The following MYCBP2 variants were observed in gnomAD, a reference collection of about 807,000 sequenced individuals.
The protein encoded by MYCBP2 is MYC binding protein 2, also known as E3 ubiquitin-protein ligase MYCBP2.
In MYCBP2, 120 loss-of-function variants were observed where a neutral mutation model predicts 525.3. The observed-to-expected ratio is 0.23, with a 90% CI of 0.20 to 0.27. The LOEUF (loss-of-function observed/expected upper bound fraction) is 0.27. Among genes scored for constraint, MYCBP2 ranks in the 10% least tolerant of loss-of-function variants. MYCBP2 has a pLI of 1.00. For missense variants in MYCBP2, 4,149 were observed against 5,657.1 expected, an observed-to-expected ratio of 0.73 and a Z score of 8.55; for synonymous variants, 1,894 against 1,955.8, an observed-to-expected ratio of 0.97 and a Z score of 0.83.
At chr13:77,220,317 A>G (rs1215342863) in intron 20 of MYCBP2, among the ~76,000 whole-genome samples, 1 of 152,148 alleles carries the variant, frequency 6.6e-6, no homozygotes, top group African/African-American at 2.4e-5. Flanking sequence ...GTAGGGCTGC[A>G]TCACAGAAGA....
chr13:77,077,391 G>A lies in MYCBP2; in HGVS notation c.11485-4C>T, dbSNP rs1017554756. The A allele has an allele frequency of 6.2e-7, 1 of 1,613,600 alleles. No homozygotes were observed. The highest frequency in any genetic ancestry group is 2.2e-5 in the East Asian group (1 of 44,890). Reference sequence around the variant, plus strand: ...TGTGCCTGGAATCCAGATCAACCTGGTTGAGTAGAAAAGAGGCAGGAACCT... The same window carrying A: ...TGTGCCTGGAATCCAGATCAACCTGATTGAGTAGAAAAGAGGCAGGAACCT... On this transcript the variant is annotated splice_polypyrimidine_tract_variant and splice_region_variant and intron_variant, in intron 66 of 82. Coordinates refer to ENST00000544440, the MANE Select transcript of MYCBP2 (RefSeq NM_015057.5).
intron 31 of MYCBP2, 112 bp downstream of exon 31, chr13:77,185,759 G>C (rs531063514): frequency 2.7e-6 from 2 of 745,070 alleles, no homozygotes; most frequent in African/African-American, 1.8e-5. Context: ...CCTCATTTTA[G>C]AAGCAGCTTA....
chr13:77,178,025 A>G, intron 34 of MYCBP2, 71 bp from the exon 35 acceptor site: 1 of 918,744 alleles, frequency 1.1e-6, no homozygotes, highest in East Asian at 2.4e-5. Context: ...GGTTTCTAAG[A>G]AGTCTAATAA....
chr13:77,072,786 T>C (rs2041605713), intron 68 of MYCBP2, among the ~76,000 whole-genome samples: 1 of 152,164 alleles, frequency 6.6e-6, no homozygotes. Context: ...GACAAATTGC[T>C]TGAGTGTCAG....
intron 4 of MYCBP2, among the ~76,000 whole-genome samples, chr13:77,275,558 G>A (rs1394915097): frequency 6.6e-6 from 1 of 152,200 alleles, no homozygotes. Context: ...GTGCAGCAGT[G>A]TGTACCTATA....
intron 44 of MYCBP2, 47 bp from the exon 45 acceptor site, chr13:77,158,156 T>C: frequency 7.7e-7 from 1 of 1,292,900 alleles, no homozygotes; most frequent in Non-Finnish European, 1.0e-6. Flanking sequence ...AATAAAACTT[T>C]AATTACATAA....
chr13:77,052,025 C>A, intron 80 of MYCBP2, 107 bp from the exon 81 acceptor site: 1 of 812,208 alleles, frequency 1.2e-6, no homozygotes, highest in South Asian at 1.6e-5. Flanking sequence ...TAGAAAATAC[C>A]ATTATCTACT....
rs137933490 is a variant in MYCBP2, at chr13:77,130,388, T to A, written c.7660-3846A>T. ...TGAGACTTTATTTACTGTTTTCTAGTTCTATATTTTCCATATCCATATATA... is the reference window on the plus strand; with the variant it reads ...TGAGACTTTATTTACTGTTTTCTAGATCTATATTTTCCATATCCATATATA... On this transcript the variant is annotated intron_variant, in intron 52 of 82. Transcript: ENST00000544440. 3.4e-3 allele frequency among the ~76,000 whole-genome samples: 520 copies of A among 151,966 alleles called. 4 individuals carry two copies. The highest frequency in any genetic ancestry group is 0.012 in the African/African-American group (492 of 41,508).
At position 77,088,810 on chromosome 13, in the gene MYCBP2, A is replaced by G. The variant is rs1357390634; in HGVS notation, c.10725+22T>C. 1.9e-6 allele frequency: 3 copies of G among 1,564,850 alleles called. No homozygotes were observed. In the South Asian group the frequency reaches 3.4e-5, roughly 18 times the overall value. On this transcript the variant is annotated intron_variant, in intron 61 of 82. Coordinates refer to ENST00000544440, the MANE Select transcript of MYCBP2 (RefSeq NM_015057.5). Reference sequence around the variant, plus strand: ...TGATTTGTATAATCAATGAATCAGTAATTTCATTAATGTCTTCATACCTCC... The same window carrying G: ...TGATTTGTATAATCAATGAATCAGTGATTTCATTAATGTCTTCATACCTCC...
chr13:77,109,670 C>A (rs2048452199), intron 55 of MYCBP2: 1 of 151,924 alleles, frequency 6.6e-6, no homozygotes, highest in Admixed American at 6.6e-5. Flanking sequence ...AACTGAGATG[C>A]AGTTGGAAAA....
intron 21 of MYCBP2, among the ~76,000 whole-genome samples, chr13:77,213,087 C>G (rs150361610): frequency 1.4e-4 from 21 of 152,302 alleles, no homozygotes; most frequent in Middle Eastern, 3.4e-3. Flanking sequence ...ATGGCAAGCA[C>G]ATGATTAGAG....
rs183580898 is a variant in MYCBP2 at position 77,128,297 on chromosome 13, C to A, written c.7660-1755G>T. Among the ~76,000 whole-genome samples the A allele has an allele frequency of 9.2e-5, 14 of 151,874 alleles. 1 individual carries two copies. The East Asian group carries it at 2.7e-3, about 29-fold the overall frequency. On this transcript the variant is annotated intron_variant, in intron 52 of 82. Transcript: ENST00000544440. The stretch of plus-strand genomic sequence containing the variant: ...CATGCCATTTCATAGTTGGAAGGGG[C>A]AAGTTTTAATCCCACTCACAACTGA...
chr13:77,105,839 C>CAATATTCAA (rs1350565159), intron 55 of MYCBP2, among the ~76,000 whole-genome samples: 1 of 152,060 alleles, frequency 6.6e-6, no homozygotes, highest in Non-Finnish European at 1.5e-5. Context: ...TGTTTGCTTA[C>CAATATTCAA]TATAGTTTGC....
intron 7 of MYCBP2, among the ~76,000 whole-genome samples, chr13:77,269,679 A>G (rs1007079290): frequency 2.6e-5 from 4 of 152,120 alleles, no homozygotes; most frequent in Non-Finnish European, 5.9e-5. Flanking sequence ...TCTTATCTAG[A>G]GGCTCACTTA....
chr13:77,257,535 A>T lies in MYCBP2; in HGVS notation c.2176+136T>A, dbSNP rs551536195. The T allele has an allele frequency of 2.5e-4, 229 of 902,528 alleles. 1 individual carries two copies. The highest frequency in any genetic ancestry group is 9.2e-4 in the South Asian group (35 of 38,020). The allele number at this position is 902,528 out of a possible 1,614,324, so 55.9% of individuals were successfully genotyped here. A position where few individuals can be genotyped will look rare whatever the true frequency, so the allele number is the denominator to read the frequency against. On this transcript the variant is annotated intron_variant, in intron 14 of 82. Coordinates refer to ENST00000544440, the MANE Select transcript of MYCBP2 (RefSeq NM_015057.5). ...CCTACTATCTACCCATAAAATTTTT[A>T]AAAAAAATTTAAATAGGAACAAAAA...
At chr13:77,153,609 A>G (rs2056815803) in intron 46 of MYCBP2, among the ~76,000 whole-genome samples, 2 of 152,204 alleles carry the variant, frequency 1.3e-5, no homozygotes, top group Non-Finnish European at 2.9e-5. Flanking sequence ...ATCACTGAAT[A>G]ATTTTATACT....
chr13:77,292,527 A>AT (rs1197229153), intron 2 of MYCBP2, among the ~76,000 whole-genome samples: 3 of 94,124 alleles, frequency 3.2e-5, no homozygotes, highest in Admixed American at 2.4e-4. Context: ...AAGACACCAG[A>AT]TTTAAAAAAA....
intron 3 of MYCBP2, among the ~76,000 whole-genome samples, chr13:77,282,900 C>T (rs1270837379): frequency 6.6e-6 from 1 of 152,122 alleles, no homozygotes; most frequent in African/African-American, 2.4e-5. Flanking sequence ...GTCAATTCTG[C>T]TTAACATTTC....
chr13:77,232,828 A>G (rs949881438), intron 18 of MYCBP2, among the ~76,000 whole-genome samples: 4 of 152,254 alleles, frequency 2.6e-5, no homozygotes, highest in African/African-American at 7.2e-5. Context: ...CACAGTCATT[A>G]AAGAGCAAAT....
Sources: allele counts gnomAD v4.1 joint callset (sites outside exome capture counted in the v4.1 genomes callset), GRCh38; gene constraint gnomAD v4.1.1; transcripts MANE v1.5; gene names NCBI Gene and HGNC (gene_info 2026-07-23, HGNC 2026-07-21).